The following GULP1 variants were observed in gnomAD, a reference collection of about 807,000 sequenced individuals.
The protein encoded by GULP1 is PTB domain-containing engulfment adapter protein 1.
Under a neutral mutation model 40.9 loss-of-function variants are expected in GULP1, and 19 were observed. The observed-to-expected ratio is 0.46, with a 90% CI of 0.32 to 0.68. The LOEUF is 0.68. Among genes scored for constraint, GULP1 ranks in the 30% least tolerant of loss-of-function variants. The probability of loss-of-function intolerance (pLI) is 0.03; values close to 1 mark genes in which losing one functional copy is unlikely to be tolerated. For synonymous variants in GULP1, 119 were observed against 117.6 expected, an observed-to-expected ratio of 1.01 and a Z score of -0.08; for missense variants, 312 against 362.2, an observed-to-expected ratio of 0.86 and a Z score of 1.12.
At position 188,583,955 on chromosome 2, in the gene GULP1, T is replaced by A. The variant is rs113380674; in HGVS notation, c.610-310T>A. Among the ~76,000 whole-genome samples the A allele has an allele frequency of 4.6e-5, 7 of 152,322 alleles. 1 individual carries two copies. Among genetic ancestry groups the A allele is most frequent in the African/African-American group, 1.7e-4 (7 of 41,590 alleles). ...AATTCTCTGTTACAAGTAGCAGTCA[T>A]TTCTATATATCCCAAAAATTCACTG... On this transcript the variant is annotated intron_variant, in intron 9 of 11. Coordinates refer to ENST00000409830, the MANE Select transcript of GULP1 (RefSeq NM_016315.4).
At chr2:188,364,917 CAT>C (rs1299253772) in intron 1 of GULP1, among the ~76,000 whole-genome samples, 5 of 143,350 alleles carry the variant, frequency 3.5e-5, no homozygotes, top group African/African-American at 8.0e-5. Context: ...CACACACACA[CAT>C]ATATATGTGT....
chr2:188,503,332 C>G (rs902575912), intron 4 of GULP1, among the ~76,000 whole-genome samples: 2 of 151,756 alleles, frequency 1.3e-5, no homozygotes, highest in African/African-American at 4.8e-5. Context: ...ACTCACAGTT[C>G]TGTATGGATG....
intron 2 of GULP1, among the ~76,000 whole-genome samples, chr2:188,449,591 A>G (rs146876192): frequency 8.1e-4 from 123 of 152,330 alleles, no homozygotes; most frequent in African/African-American, 2.9e-3. Flanking sequence ...TTCCATGGGT[A>G]GTATAGAGTA....
intron 2 of GULP1, among the ~76,000 whole-genome samples, chr2:188,400,199 C>G (rs2052019242): frequency 6.6e-6 from 1 of 152,122 alleles, no homozygotes; most frequent in South Asian, 2.1e-4. Context: ...AACATAACTC[C>G]AATCTCTGCT....
intron 1 of GULP1, among the ~76,000 whole-genome samples, chr2:188,317,390 T>C (rs1559104149): frequency 6.6e-6 from 1 of 152,156 alleles, no homozygotes; most frequent in Non-Finnish European, 1.5e-5. Flanking sequence ...TCTAGTCAAC[T>C]GGGATTTTGA....
intron 7 of GULP1, among the ~76,000 whole-genome samples, chr2:188,563,528 TA>T (rs1361741075): frequency 2.0e-5 from 3 of 149,572 alleles, no homozygotes; most frequent in African/African-American, 7.3e-5. Context: ...TTTATATTTA[TA>T]TTTTTAAAAA....
In GULP1 at chr2:188,584,409, C is replaced by G; in HGVS notation, c.748+6C>G. Reference sequence around the variant, plus strand: ...TAGTAGATCTACTGAGATTAGTAAGCTTTCTCAACAAATCAAAGTTTCTTG... The same window carrying G: ...TAGTAGATCTACTGAGATTAGTAAGGTTTCTCAACAAATCAAAGTTTCTTG... On this transcript the variant is annotated splice_donor_region_variant and intron_variant, in intron 10 of 11. Transcript: ENST00000409830. The G allele has an allele frequency of 6.5e-7, 1 of 1,538,790 alleles. No homozygotes were observed. Among genetic ancestry groups the G allele is most frequent in the Non-Finnish European group, 8.8e-7 (1 of 1,130,850 alleles).
intron 6 of GULP1, among the ~76,000 whole-genome samples, chr2:188,536,020 T>G (rs2153276053): frequency 6.6e-6 from 1 of 152,288 alleles, no homozygotes; most frequent in East Asian, 1.9e-4. Context: ...TTCATGTCTT[T>G]TGCCCACTTT....
At chr2:188,414,001 A>G (rs6732963) in intron 2 of GULP1, among the ~76,000 whole-genome samples, 43,177 of 151,742 alleles carry the variant, frequency 0.28, 7,530 homozygotes, top group African/African-American at 0.5. Context: ...GGCGGATCAC[A>G]AGGTCAGGAG....
chr2:188,539,551 G>C lies in GULP1; in HGVS notation c.262-1630G>C, dbSNP rs992763044. 4.0e-4 allele frequency among the ~76,000 whole-genome samples: 61 copies of C among 152,056 alleles called. 1 individual carries two copies. The highest frequency in any genetic ancestry group is 1.5e-3 in the Admixed American group (23 of 15,244). ...TAAGTAAGTCAAGCACCTCTTCTTA[G>C]ACTTGGTTCCCCCTGCTTTTAAACA... On this transcript the variant is annotated intron_variant, in intron 6 of 11. Transcript: ENST00000409830.
At chr2:188,373,569 C>T (rs2047899823) in intron 1 of GULP1, among the ~76,000 whole-genome samples, 1 of 151,384 alleles carries the variant, frequency 6.6e-6, no homozygotes, top group Admixed American at 6.6e-5. Flanking sequence ...TTTGACAGGC[C>T]ACTGAGATAT....
chr2:188,426,421 T>G (rs1157897327), intron 2 of GULP1, among the ~76,000 whole-genome samples: 1 of 152,134 alleles, frequency 6.6e-6, no homozygotes, highest in East Asian at 1.9e-4. Flanking sequence ...TGTGAGACAC[T>G]TACTTCTTTC....
At chr2:188,381,714 C>A (rs569436623) in intron 1 of GULP1, among the ~76,000 whole-genome samples, 101 of 152,096 alleles carry the variant, frequency 6.6e-4, no homozygotes, top group African/African-American at 2.4e-3. Flanking sequence ...TCATTTAAGA[C>A]CAACAAACAA....
chr2:188,513,999 C>T (rs1347500376), intron 4 of GULP1, among the ~76,000 whole-genome samples: 1 of 149,368 alleles, frequency 6.7e-6, no homozygotes, highest in Non-Finnish European at 1.5e-5. Flanking sequence ...TTCCAAAATG[C>T]GCAGGTTTGG....
At chr2:188,566,756 C>G (rs1330946262) in intron 7 of GULP1, among the ~76,000 whole-genome samples, 12 of 127,938 alleles carry the variant, frequency 9.4e-5, no homozygotes, top group African/African-American at 3.7e-4. Flanking sequence ...GATTGCGCCA[C>G]TGCACTCCAG....
intron 9 of GULP1, among the ~76,000 whole-genome samples, chr2:188,578,548 G>T (rs556691858): frequency 0.011 from 1,582 of 149,870 alleles, 14 homozygotes; most frequent in South Asian, 0.049. Flanking sequence ...AAAAAAAAAA[G>T]AATAAAAAGA....
At chr2:188,306,417 G>T (rs1249842717) in intron 1 of GULP1, among the ~76,000 whole-genome samples, 1 of 152,108 alleles carries the variant, frequency 6.6e-6, no homozygotes, top group Non-Finnish European at 1.5e-5. Context: ...TCTTTGGTAA[G>T]TTAAACTGTT....
chr2:188,479,193 T>C (rs1208743577), intron 3 of GULP1, among the ~76,000 whole-genome samples: 1 of 152,032 alleles, frequency 6.6e-6, no homozygotes, highest in Non-Finnish European at 1.5e-5. Flanking sequence ...GTTCAAACAT[T>C]TGGATGTGGC....
rs192234816 is a variant in GULP1 at position 188,523,388 on chromosome 2, C to T, written c.162+561C>T. Among the ~76,000 whole-genome samples, 163 of 152,272 alleles carry T rather than the reference C, an allele frequency of 1.1e-3. 2 individuals carry two copies. Among genetic ancestry groups the T allele is most frequent in the South Asian group, 8.5e-3 (41 of 4,826 alleles). ...ACATTTAATAAGCAACCCCACATAT[C>T]CTAGTCAACAAGTTTCCTGAGAAAA... is the stretch of plus-strand genomic sequence containing the variant. On this transcript the variant is annotated intron_variant, in intron 5 of 11. Transcript: ENST00000409830.
Sources: gnomAD v4.1 joint callset for allele counts (sites outside exome capture counted in the v4.1 genomes callset) on GRCh38, gnomAD v4.1.1 for gene constraint, MANE v1.5 for transcripts, NCBI Gene and HGNC (gene_info 2026-07-23, HGNC 2026-07-21) for gene names.